The following CAPS2 variants were observed in gnomAD, a reference collection of about 807,000 sequenced individuals.
CAPS2 encodes calcyphosine 2.
A neutral mutation model predicts 86.5 loss-of-function variants in CAPS2; 98 were observed. The ratio of observed to expected loss-of-function variants is 1.13; its 90% CI spans 0.96 to 1.34. CAPS2 has a LOEUF of 1.34. Among genes scored for constraint, CAPS2 ranks in the 40% most tolerant of loss-of-function variants. The probability of loss-of-function intolerance (pLI) is 0.00; values close to 1 mark genes in which losing one functional copy is unlikely to be tolerated. For missense variants in CAPS2, 729 were observed against 686.8 expected (o/e 1.06, Z -0.69); for synonymous variants, 210 against 225.1 (o/e 0.93, Z 0.60).
intron 1 of CAPS2, among the ~76,000 whole-genome samples, chr12:75,345,920 A>T (rs1214042689): frequency 1.3e-5 from 2 of 152,236 alleles, no homozygotes; most frequent in Non-Finnish European, 2.9e-5. Context: ...GCTAGTTTAC[A>T]CACAAGGTTA....
intron 1 of CAPS2, among the ~76,000 whole-genome samples, chr12:75,378,023 G>C (rs1448305299): frequency 6.6e-6 from 1 of 151,694 alleles, no homozygotes; most frequent in Non-Finnish European, 1.5e-5. Context: ...TTTGAGACAG[G>C]GTCTCACTCT....
chr12:75,291,805 T>C (rs201980880), exon 13 of CAPS2: 12 of 1,551,154 alleles, frequency 7.7e-6, no homozygotes, highest in Non-Finnish European at 1.1e-5. Context: ...CATCCTCCTG[T>C]TCCATAGAAG....
rs757463210 is a variant in CAPS2 at position 75,298,863 on chromosome 12, T to C, written c.950+8A>G. 1.1e-5 allele frequency: 17 copies of C among 1,603,604 alleles called. No individual in the cohort carries two copies. Among genetic ancestry groups the C allele is most frequent in the Non-Finnish European group, 1.4e-5 (16 of 1,171,980 alleles). On this transcript the variant is annotated splice_region_variant and intron_variant, in intron 10 of 16. Coordinates refer to ENST00000393284, the Ensembl canonical transcript of CAPS2. ...TCTCCAGAGTTCTAACAATGTTTAA[T>C]GGCATACCTATTTTTCCCAAATTGT...
At position 75,325,235 on chromosome 12, in the gene CAPS2, T is replaced by A; in HGVS notation, c.131+4A>T. 2 of 1,549,210 alleles carry A rather than the reference T, an allele frequency of 1.3e-6. No individual in the cohort carries two copies. Among genetic ancestry groups the A allele is most frequent in the Non-Finnish European group, 1.7e-6 (2 of 1,146,024 alleles). ...CAGTCCAAATGTGAAGAAACGTAAC[T>A]TACACTGGTGGGCAAGAATTCTGGT... On this transcript the variant is annotated splice_donor_region_variant and intron_variant, in intron 2 of 16. Transcript: ENST00000393284.
At chr12:75,312,858 G>A in exon 7 of CAPS2, 1 of 1,579,036 alleles carries the variant, frequency 6.3e-7, no homozygotes, top group Non-Finnish European at 8.7e-7. Flanking sequence ...CTAGATAAGT[G>A]GTCTATCATC....
intron 11 of CAPS2, among the ~76,000 whole-genome samples, chr12:75,295,923 C>T (rs2036796866): frequency 6.6e-6 from 1 of 151,582 alleles, no homozygotes; most frequent in South Asian, 2.1e-4. Context: ...AAACAAAAAC[C>T]TAAAAGATAT....
chr12:75,327,721 A>G (rs1327358677), upstream of CAPS2, among the ~76,000 whole-genome samples: 2 of 151,456 alleles, frequency 1.3e-5, no homozygotes, highest in East Asian at 3.8e-4. Flanking sequence ...AATATGTAAA[A>G]TGAATTTAAT....
intron 1 of CAPS2, among the ~76,000 whole-genome samples, chr12:75,374,633 G>A (rs969464006): frequency 6.6e-6 from 1 of 152,196 alleles, no homozygotes; most frequent in Non-Finnish European, 1.5e-5. Flanking sequence ...GATACCTTGT[G>A]AAAGGGAAAA....
At chr12:75,344,360 T>G (rs1023815744) in intron 1 of CAPS2, among the ~76,000 whole-genome samples, 4 of 152,132 alleles carry the variant, frequency 2.6e-5, no homozygotes, top group Admixed American at 2.6e-4. Context: ...GTAATTTTAT[T>G]GCTACATCTT....
At chr12:75,327,077 A>G (rs970750651), upstream of CAPS2, among the ~76,000 whole-genome samples, 3 of 152,198 alleles carry the variant, frequency 2.0e-5, no homozygotes, top group Admixed American at 2.0e-4. Context: ...TTAGCCCCTT[A>G]AGACTAATGT....
chr12:75,337,958 A>G (rs533239203), intron 1 of CAPS2, among the ~76,000 whole-genome samples: 30 of 152,206 alleles, frequency 2.0e-4, no homozygotes, highest in African/African-American at 7.2e-4. Context: ...CTGCATCTTC[A>G]TCAATCTAAA....
At chr12:75,359,246 AAG>A (rs1182740695) in intron 1 of CAPS2, among the ~76,000 whole-genome samples, 1 of 151,364 alleles carries the variant, frequency 6.6e-6, no homozygotes, top group Admixed American at 6.6e-5. Flanking sequence ...TGGCAAAAGA[AAG>A]AGACATGTAC....
intron 5 of CAPS2, chr12:75,318,107 C>T (rs1271441942): frequency 6.6e-6 from 1 of 152,064 alleles, no homozygotes; most frequent in African/African-American, 2.4e-5. Context: ...TCTTTCTGTG[C>T]CTGGTTTAAT....
chr12:75,322,003 A>C (rs925168952), intron 4 of CAPS2, among the ~76,000 whole-genome samples: 2 of 152,148 alleles, frequency 1.3e-5, no homozygotes, highest in African/African-American at 4.8e-5. Context: ...TAGAATATCA[A>C]TATATTCTAT....
intron 11 of CAPS2, chr12:75,298,344 C>A (rs2037248411): frequency 4.6e-6 from 1 of 217,794 alleles, no homozygotes; most frequent in African/African-American, 2.3e-5. Context: ...GAGGATAAAC[C>A]TACTTTGGGT....
intron 1 of CAPS2, among the ~76,000 whole-genome samples, chr12:75,354,228 T>C (rs2043001832): frequency 6.6e-6 from 1 of 151,976 alleles, no homozygotes; most frequent in South Asian, 2.1e-4. Context: ...TGTTTGCAGA[T>C]GATATGATCC....
chr12:75,332,958 A>T (rs1593611929), upstream of CAPS2, among the ~76,000 whole-genome samples: 1 of 152,226 alleles, frequency 6.6e-6, no homozygotes, highest in East Asian at 1.9e-4. Context: ...TGCAGGCAAA[A>T]GTAACAGCAA....
intron 1 of CAPS2, among the ~76,000 whole-genome samples, chr12:75,353,095 C>T (rs1383092643): frequency 6.6e-6 from 1 of 151,900 alleles, no homozygotes; most frequent in Non-Finnish European, 1.5e-5. Context: ...ACTAGAGAAC[C>T]AAGAGCAAAC....
chr12:75,297,385 C>T (rs1410823630), intron 11 of CAPS2, among the ~76,000 whole-genome samples: 1 of 152,160 alleles, frequency 6.6e-6, no homozygotes, highest in East Asian at 1.9e-4. Context: ...ACCCATACTT[C>T]TCCCTTAACT....
Sources: gnomAD v4.1 joint callset for allele counts (sites outside exome capture counted in the v4.1 genomes callset) on GRCh38, gnomAD v4.1.1 for gene constraint, MANE v1.5 for transcripts, NCBI Gene and HGNC (gene_info 2026-07-23, HGNC 2026-07-21) for gene names.